OR14A2: variants seen among roughly 807,000 people sequenced by gnomAD.
The protein encoded by OR14A2 is olfactory receptor family 14 subfamily A member 2.
For missense variants in OR14A2, 237 were observed against 152.9 expected, an observed-to-expected ratio of 1.55 and a Z score of -2.90; for synonymous variants, 114 against 58.6, an observed-to-expected ratio of 1.95 and a Z score of -4.32.
At chr1:247,739,634 T>A in the OR14A2 span, 2 of 639,954 alleles carry the variant, frequency 3.1e-6, no homozygotes, top group Non-Finnish European at 5.7e-6. Flanking sequence ...AAATTATCTC[T>A]ATTTTGGGAT....
upstream of OR14A2, among the ~76,000 whole-genome samples, chr1:247,724,269 T>C (rs185117321): frequency 2.4e-4 from 36 of 152,202 alleles, no homozygotes; most frequent in Non-Finnish European, 3.5e-4. Context: ...TAAATTCCAT[T>C]AGACTTTATG....
chr1:247,738,256 C>A, the OR14A2 span, among the ~76,000 whole-genome samples: 2 of 152,158 alleles, frequency 1.3e-5, no homozygotes, highest in Non-Finnish European at 2.9e-5. Context: ...GATATTTATA[C>A]ATGAAAATGT....
chr1:247,735,832 T>A, the OR14A2 span, among the ~76,000 whole-genome samples: 1 of 152,096 alleles, frequency 6.6e-6, no homozygotes, highest in Admixed American at 6.6e-5. Context: ...GGAAACTGTT[T>A]GCAGCATTCA....
chr1:247,739,576 G>A, the OR14A2 span: 1 of 755,446 alleles, frequency 1.3e-6, no homozygotes, highest in Non-Finnish European at 2.5e-6. Flanking sequence ...TTGAAGATGG[G>A]AAGTAACTTT....
exon 1 of OR14A2, chr1:247,723,871 T>A: frequency 1.4e-6 from 1 of 717,632 alleles, no homozygotes; most frequent in Non-Finnish European, 2.6e-6. Context: ...CAGGAAGAAG[T>A]ACATGGGTGT....
At chr1:247,736,082 T>C in the OR14A2 span, among the ~76,000 whole-genome samples, 1 of 151,672 alleles carries the variant, frequency 6.6e-6, no homozygotes, top group Admixed American at 6.6e-5. Flanking sequence ...GCCTTTGTTA[T>C]GAATGTTGCT....
the OR14A2 span, among the ~76,000 whole-genome samples, chr1:247,738,323 A>G: frequency 6.6e-6 from 1 of 152,308 alleles, no homozygotes; most frequent in South Asian, 2.1e-4. Context: ...TTCCCAAAGG[A>G]AATAAAATCA....
the OR14A2 span, among the ~76,000 whole-genome samples, chr1:247,730,685 T>C: frequency 9.3e-4 from 142 of 152,056 alleles, 2 homozygotes; most frequent in Admixed American, 1.8e-3. Context: ...CATGTATTAG[T>C]CAGGGTTCTC....
At chr1:247,745,445 G>A in the OR14A2 span, among the ~76,000 whole-genome samples, 1 of 151,118 alleles carries the variant, frequency 6.6e-6, no homozygotes, top group African/African-American at 2.4e-5. Flanking sequence ...GAACCATAAT[G>A]TAGTAAAGGA....
chr1:247,723,088 A>G (rs1344256666), downstream of OR14A2: 3 of 702,252 alleles, frequency 4.3e-6, no homozygotes, highest in African/African-American at 5.3e-5. Context: ...CACTGACAGA[A>G]CTTGAAAGTG....
chr1:247,730,268 G>T, the OR14A2 span, among the ~76,000 whole-genome samples: 1 of 151,912 alleles, frequency 6.6e-6, no homozygotes, highest in Non-Finnish European at 1.5e-5. Context: ...AACTCAAATC[G>T]TTACAAATCC....
At chr1:247,732,263 T>G in the OR14A2 span, among the ~76,000 whole-genome samples, 2 of 152,144 alleles carry the variant, frequency 1.3e-5, no homozygotes, top group Non-Finnish European at 2.9e-5. Flanking sequence ...AAATAGGATC[T>G]ATCTCTATCC....
the OR14A2 span, chr1:247,738,561 A>G: frequency 4.3e-6 from 3 of 698,630 alleles, no homozygotes; most frequent in South Asian, 3.3e-5. Context: ...ACTTTTTAAT[A>G]TTAGTATGAC....
the OR14A2 span, among the ~76,000 whole-genome samples, chr1:247,736,686 A>G: frequency 6.6e-6 from 1 of 152,060 alleles, no homozygotes; most frequent in Admixed American, 6.5e-5. Context: ...TCTAAAACAC[A>G]CAGGCTAATG....
chr1:247,722,996 T>C (rs984956485), downstream of OR14A2: 6 of 615,922 alleles, frequency 9.7e-6, no homozygotes, highest in Admixed American at 1.2e-4. Context: ...GAAAAAATAA[T>C]TTGAGTATAT....
upstream of OR14A2, among the ~76,000 whole-genome samples, chr1:247,727,332 T>G (rs1660399667): frequency 6.7e-6 from 1 of 149,104 alleles, no homozygotes; most frequent in African/African-American, 2.6e-5. Flanking sequence ...TGGCTCTCTG[T>G]TTGTCTGTTG....
chr1:247,728,775 C>T (rs1660448975), upstream of OR14A2, among the ~76,000 whole-genome samples: 1 of 151,986 alleles, frequency 6.6e-6, no homozygotes, highest in African/African-American at 2.4e-5. Context: ...ATTTTTCAAC[C>T]ACATGGACAC....
At chr1:247,737,430 CTTG>C in the OR14A2 span, among the ~76,000 whole-genome samples, 2 of 152,098 alleles carry the variant, frequency 1.3e-5, no homozygotes, top group Non-Finnish European at 2.9e-5. Flanking sequence ...TTTGGGTGTT[CTTG>C]TTGGAAAAAG....
chr1:247,734,579 C>G, the OR14A2 span, among the ~76,000 whole-genome samples: 3 of 152,182 alleles, frequency 2.0e-5, no homozygotes, highest in African/African-American at 7.2e-5. Context: ...GATATACCAT[C>G]TTTATTGCTC....
Sources: gnomAD v4.1 joint callset for allele counts (sites outside exome capture counted in the v4.1 genomes callset) on GRCh38, gnomAD v4.1.1 for gene constraint, MANE v1.5 for transcripts, NCBI Gene and HGNC (gene_info 2026-07-23, HGNC 2026-07-21) for gene names.